The following LRRC40 variants were observed in gnomAD, a reference collection of about 807,000 sequenced individuals.
LRRC40 encodes leucine rich repeat containing 40, also known as leucine-rich repeat-containing protein 40.
A neutral mutation model predicts 72.8 loss-of-function variants in LRRC40; 76 were observed. The observed-to-expected ratio is 1.04, with a 90% confidence interval of 0.87 to 1.26. The LOEUF is 1.26. Ranked by LOEUF, LRRC40 falls within the 50% of genes most tolerant of loss-of-function variation. LRRC40 has a pLI of 0.00. For synonymous variants in LRRC40, 243 were observed against 254.2 expected, an observed-to-expected ratio of 0.96 and a Z score of 0.42; for missense variants, 684 against 698.9, an observed-to-expected ratio of 0.98 and a Z score of 0.24.
intron 1 of LRRC40, among the ~76,000 whole-genome samples, chr1:70,199,920 C>G (rs1668699851): frequency 6.6e-6 from 1 of 151,968 alleles, no homozygotes. Flanking sequence ...AAAGTTAATA[C>G]CCTCAAGACT....
chr1:70,191,489 C>T (rs1037269889), intron 1 of LRRC40, among the ~76,000 whole-genome samples: 4 of 152,198 alleles, frequency 2.6e-5, no homozygotes, highest in South Asian at 2.1e-4. Flanking sequence ...TTTTTATTAA[C>T]AAACTTGTCT....
At chr1:70,175,557 G>A (rs781175011) in intron 7 of LRRC40, among the ~76,000 whole-genome samples, 1 of 152,068 alleles carries the variant, frequency 6.6e-6, no homozygotes, top group Non-Finnish European at 1.5e-5. Flanking sequence ...ACTCTAGTAA[G>A]AGTAATAATA....
chr1:70,168,639 C>T (rs559708151), intron 9 of LRRC40, among the ~76,000 whole-genome samples: 20 of 152,306 alleles, frequency 1.3e-4, no homozygotes, highest in African/African-American at 4.1e-4. Flanking sequence ...ACTGAAGATA[C>T]AGCCTAGACT....
chr1:70,172,342 CAT>C (rs1445214702), intron 9 of LRRC40, among the ~76,000 whole-genome samples: 2 of 152,162 alleles, frequency 1.3e-5, no homozygotes, highest in Non-Finnish European at 2.9e-5. Context: ...CCAATGTCCA[CAT>C]GTTTATTATT....
At chr1:70,188,204 T>C (rs1189013631) in intron 2 of LRRC40, among the ~76,000 whole-genome samples, 1 of 152,124 alleles carries the variant, frequency 6.6e-6, no homozygotes, top group Admixed American at 6.6e-5. Flanking sequence ...TTTCAACACA[T>C]GAATTGGAGG....
intron 14 of LRRC40, among the ~76,000 whole-genome samples, chr1:70,146,206 G>A (rs1667287218): frequency 6.6e-6 from 1 of 151,842 alleles, no homozygotes; most frequent in Admixed American, 6.6e-5. Context: ...TGTATTTTCA[G>A]TAGTGAGGGG....
intron 10 of LRRC40, among the ~76,000 whole-genome samples, chr1:70,156,595 C>A (rs1192780901): frequency 6.6e-6 from 1 of 152,084 alleles, no homozygotes; most frequent in Non-Finnish European, 1.5e-5. Context: ...TCCCCTTTAT[C>A]CAGACCCCCC....
At chr1:70,163,459 C>T (rs1471098240) in intron 9 of LRRC40, among the ~76,000 whole-genome samples, 3 of 152,140 alleles carry the variant, frequency 2.0e-5, no homozygotes, top group Non-Finnish European at 4.4e-5. Context: ...ATATTCCTTG[C>T]TTCATGGCCT....
At chr1:70,156,286 TTTAAAA>T (rs1667634653) in intron 10 of LRRC40, among the ~76,000 whole-genome samples, 1 of 151,934 alleles carries the variant, frequency 6.6e-6, no homozygotes, top group Non-Finnish European at 1.5e-5. Flanking sequence ...GTTTAATTAA[TTTAAAA>T]TTAGTTTAAT....
chr1:70,187,662 A>C (rs1442811426), intron 2 of LRRC40, among the ~76,000 whole-genome samples: 2 of 96,268 alleles, frequency 2.1e-5, no homozygotes, highest in Non-Finnish European at 4.3e-5. Flanking sequence ...TTGTCTCTAC[A>C]AAAAAAAAAA....
Position 70,149,095 on chromosome 1 carries a change from T to G in LRRC40, c.1518-423A>C, listed in dbSNP as rs1000901219. 2.5e-4 allele frequency among the ~76,000 whole-genome samples: 38 copies of G among 152,364 alleles called. 1 individual carries two copies. The highest frequency in any genetic ancestry group is 2.0e-3 in the Admixed American group (31 of 15,304). On this transcript the variant is annotated intron_variant, in intron 13 of 14. Coordinates refer to ENST00000370952, the MANE Select transcript of LRRC40 (RefSeq NM_017768.5). Reference sequence around the variant, plus strand: ...TTTGCTTTGACTGAGGCTTCTAAAATGAGTACACTTTGGGTTCTTAAAAAG... The same window carrying G: ...TTTGCTTTGACTGAGGCTTCTAAAAGGAGTACACTTTGGGTTCTTAAAAAG...
In LRRC40 at chr1:70,148,554, T is replaced by C. The variant is rs1179727809; in HGVS notation, c.1636A>G (p.Thr546Ala). 7 of 1,613,692 alleles carry C rather than the reference T, an allele frequency of 4.3e-6. No homozygotes were observed. The highest frequency in any genetic ancestry group is 5.9e-6 in the Non-Finnish European group (7 of 1,179,730). Residue 546 changes from threonine to alanine, a missense_variant, in exon 14 of 15, where the codon ACG (threonine) becomes GCG (alanine). Thr to Ala is a moderately conservative substitution (Grantham distance 58, BLOSUM62 0). Transcript: ENST00000370952. ...QKMKMMENLTTLDLQNNDLLQ... is the reference protein window; with the variant it reads ...QKMKMMENLTALDLQNNDLLQ... ...AGGTCATTATTTTGAAGGTCCAACG[T>C]GGTCAGATTTTCCATCATCTTCATT...
chr1:70,172,393 A>G (rs1056196530), intron 9 of LRRC40, among the ~76,000 whole-genome samples: 5 of 152,144 alleles, frequency 3.3e-5, no homozygotes, highest in African/African-American at 1.2e-4. Context: ...ATGGAAGTAC[A>G]CCTTTAAAAC....
chr1:70,181,052 A>T, intron 5 of LRRC40, 34 bp downstream of exon 5: 2 of 1,398,674 alleles, frequency 1.4e-6, no homozygotes, highest in Non-Finnish European at 2.0e-6. Flanking sequence ...ACCAACTTCA[A>T]ATTTATGTAT....
intron 12 of LRRC40, 66 bp from the exon 13 acceptor site, chr1:70,151,271 TAAA>T: frequency 1.3e-6 from 1 of 747,388 alleles, no homozygotes; most frequent in Admixed American, 2.2e-5. Context: ...AATTTATAAT[TAAA>T]ATATTGAGCA....
At chr1:70,157,436 A>C (rs1667663849) in intron 10 of LRRC40, among the ~76,000 whole-genome samples, 1 of 152,208 alleles carries the variant, frequency 6.6e-6, no homozygotes, top group African/African-American at 2.4e-5. Flanking sequence ...AATCCGAATA[A>C]ATTTAGAATC....
chr1:70,152,954 GT>G (rs1427546573), intron 11 of LRRC40, among the ~76,000 whole-genome samples: 1 of 152,154 alleles, frequency 6.6e-6, no homozygotes, highest in Non-Finnish European at 1.5e-5. Flanking sequence ...CATAAGTAGT[GT>G]ATTACCACTA....
Position 70,145,271 on chromosome 1 carries a change from G to T in LRRC40, c.*529C>A, listed in dbSNP as rs1480042599. 1 of 151,990 alleles carries T rather than the reference G, an allele frequency of 6.6e-6. No homozygotes were observed. Among genetic ancestry groups the T allele is most frequent in the East Asian group, 1.9e-4 (1 of 5,180 alleles). 9.4% of individuals were successfully genotyped at this position (151,990 alleles called of 1,614,324 possible). ...TTGACATGTGGCCCAAGATAAGAAGGTCTTATTTTTTAAATGCCAAAGAAC... is the reference window on the plus strand; with the variant it reads ...TTGACATGTGGCCCAAGATAAGAAGTTCTTATTTTTTAAATGCCAAAGAAC... On this transcript the variant is annotated 3_prime_UTR_variant, in exon 15 of 15. Transcript: ENST00000370952.
chr1:70,156,659 T>C (rs1470035403), intron 10 of LRRC40, among the ~76,000 whole-genome samples: 1 of 152,108 alleles, frequency 6.6e-6, no homozygotes, highest in Non-Finnish European at 1.5e-5. Context: ...TACACCATAT[T>C]TTTTCAATCT....
Sources: gnomAD v4.1 joint callset for allele counts (sites outside exome capture counted in the v4.1 genomes callset) on GRCh38, gnomAD v4.1.1 for gene constraint, MANE v1.5 for transcripts, NCBI Gene and HGNC (gene_info 2026-07-23, HGNC 2026-07-21) for gene names.